The following MLXIPL variants were observed in gnomAD, a reference collection of about 807,000 sequenced individuals.
The protein encoded by MLXIPL is MLX interacting protein like.
Under a neutral mutation model 81.5 loss-of-function variants are expected in MLXIPL, and 49 were observed. The ratio of observed to expected loss-of-function variants is 0.60; its 90% CI spans 0.48 to 0.76. The LOEUF is 0.76. Among genes scored for constraint, MLXIPL ranks in the 30% least tolerant of loss-of-function variants. The pLI is 0.00. For synonymous variants in MLXIPL, 466 were observed against 485.5 expected (o/e 0.96, Z 0.53); for missense variants, 1,053 against 1,167.0 (o/e 0.90, Z 1.42).
intron 8 of MLXIPL, 113 bp downstream of exon 8, chr7:73,599,413 T>C: frequency 7.4e-7 from 1 of 1,356,408 alleles, no homozygotes; most frequent in Non-Finnish European, 1.0e-6. Context: ...CCCTCCAATC[T>C]CCAAGCAGAA....
intron 1 of MLXIPL, among the ~76,000 whole-genome samples, chr7:73,617,801 C>T (rs542274872): frequency 2.6e-5 from 4 of 151,768 alleles, no homozygotes; most frequent in Non-Finnish European, 5.9e-5. Context: ...GCTATGATCA[C>T]GCCACTGCAC....
At chr7:73,624,636 AT>A, upstream of MLXIPL, 1 of 1,364,436 alleles carries the variant, frequency 7.3e-7, no homozygotes, top group South Asian at 1.7e-5. Context: ...CGGGGCTTGT[AT>A]TAGCATAATC....
At chr7:73,607,733 G>T in intron 2 of MLXIPL, 61 bp from the exon 3 acceptor site, 3 of 1,462,406 alleles carry the variant, frequency 2.1e-6, no homozygotes, top group Non-Finnish European at 2.9e-6. Flanking sequence ...TCACCCCAGG[G>T]GACTGGGACT....
At chr7:73,619,506 C>G (rs1051675051) in intron 1 of MLXIPL, among the ~76,000 whole-genome samples, 6 of 149,516 alleles carry the variant, frequency 4.0e-5, no homozygotes, top group Admixed American at 6.7e-5. Flanking sequence ...GTGCAAACCT[C>G]TAGTCTCAGC....
At chr7:73,598,472 C>G (rs1563481125) in intron 8 of MLXIPL, among the ~76,000 whole-genome samples, 1 of 152,134 alleles carries the variant, frequency 6.6e-6, no homozygotes, top group Non-Finnish European at 1.5e-5. Flanking sequence ...CATCCACCAG[C>G]CCACCCATCC....
chr7:73,606,782 C>T (rs1284778223), intron 5 of MLXIPL, 192 bp downstream of exon 5: 6 of 656,964 alleles, frequency 9.1e-6, no homozygotes, highest in African/African-American at 9.0e-5. Flanking sequence ...GGGGTCTTCT[C>T]ACCACCTCAC....
At chr7:73,606,931 G>C (rs375888377) in intron 5 of MLXIPL, 43 bp downstream of exon 5, 1 of 1,606,876 alleles carries the variant, frequency 6.2e-7, no homozygotes, top group South Asian at 1.1e-5. Context: ...CTACTTGGGG[G>C]GCAAAGGGAT....
At chr7:73,605,886 C>G (rs1314778425) in intron 6 of MLXIPL, 24 bp downstream of exon 6, 3 of 1,570,210 alleles carry the variant, frequency 1.9e-6, no homozygotes, top group Non-Finnish European at 2.6e-6. Context: ...CACCCCTCTC[C>G]CCTGCCCTTT....
At chr7:73,604,212 T>C (rs1387741058) in intron 7 of MLXIPL, among the ~76,000 whole-genome samples, 1 of 63,210 alleles carries the variant, frequency 1.6e-5, no homozygotes, top group Non-Finnish European at 2.6e-5. Context: ...TGAGACTCCG[T>C]CTCAAAAAAA....
intron 7 of MLXIPL, among the ~76,000 whole-genome samples, chr7:73,602,549 G>A (rs975378117): frequency 3.3e-5 from 5 of 151,988 alleles, no homozygotes; most frequent in Admixed American, 6.6e-5. Context: ...GCGTGGTGGC[G>A]GGCGCCTGTA....
chr7:73,624,361 C>T lies in MLXIPL; in HGVS notation c.132G>A (p.Ser44=), dbSNP rs782246348. ...LRRSAGGLLR[S]QVIHSGHFMV... ...TGAAGTGACCGCTGTGGATGACCTG[C>T]GAGCGGAGCAAGCCGCCCGCGCTGC... Residue 44 remains serine (S), a synonymous_variant, in exon 1 of 17, where the codon TCG becomes TCA. Transcript: ENST00000313375. 4 of 1,581,614 alleles carry T rather than the reference C, an allele frequency of 2.5e-6. No individual in the cohort carries two copies. Among genetic ancestry groups the T allele is most frequent in the Non-Finnish European group, 3.4e-6 (4 of 1,167,918 alleles).
At chr7:73,616,201 G>C (rs1554600745) in intron 1 of MLXIPL, 24 bp from the exon 2 acceptor site, 2 of 1,576,242 alleles carry the variant, frequency 1.3e-6, no homozygotes, top group Non-Finnish European at 1.7e-6. Context: ...GAGGAGTAGG[G>C]TTAGGGAGAT....
intron 16 of MLXIPL, 46 bp downstream of exon 16, chr7:73,594,228 C>T (rs1554592841): frequency 1.2e-6 from 2 of 1,608,444 alleles, no homozygotes; most frequent in Non-Finnish European, 1.7e-6. Context: ...CTCCCTCCAC[C>T]CCCGAGGCTG....
intron 7 of MLXIPL, among the ~76,000 whole-genome samples, chr7:73,600,407 AGT>A (rs1554595794): frequency 2.9e-5 from 1 of 34,040 alleles, no homozygotes; most frequent in Non-Finnish European, 5.3e-5. Context: ...CTGGGCTCCA[AGT>A]GGGGTGTGGG....
At chr7:73,644,049 C>T in the MLXIPL span, among the ~76,000 whole-genome samples, 1 of 152,030 alleles carries the variant, frequency 6.6e-6, no homozygotes, top group South Asian at 2.1e-4. Context: ...GGACTATAAG[C>T]TTGTGCCACC....
chr7:73,626,905 C>A (rs1489441994), upstream of MLXIPL, among the ~76,000 whole-genome samples: 13 of 152,166 alleles, frequency 8.5e-5, no homozygotes, highest in African/African-American at 3.1e-4. Flanking sequence ...GCAGCACTTT[C>A]TTCCAGCCCA....
intron 1 of MLXIPL, among the ~76,000 whole-genome samples, chr7:73,619,877 C>A (rs1319844800): frequency 1.3e-5 from 2 of 151,728 alleles, no homozygotes; most frequent in African/African-American, 4.8e-5. Flanking sequence ...TTGCAGTGAG[C>A]CAAGATCGCG....
chr7:73,619,506 C>T (rs1051675051), intron 1 of MLXIPL, among the ~76,000 whole-genome samples: 3 of 149,516 alleles, frequency 2.0e-5, no homozygotes, highest in Non-Finnish European at 4.4e-5. Context: ...GTGCAAACCT[C>T]TAGTCTCAGC....
chr7:73,643,471 G>A, the MLXIPL span, among the ~76,000 whole-genome samples: 5 of 148,862 alleles, frequency 3.4e-5, no homozygotes, highest in African/African-American at 7.5e-5. Flanking sequence ...CCGAGATTGC[G>A]CCACTGCACT....
Sources: gnomAD v4.1 joint callset for allele counts (sites outside exome capture counted in the v4.1 genomes callset) on GRCh38, gnomAD v4.1.1 for gene constraint, MANE v1.5 for transcripts, NCBI Gene and HGNC (gene_info 2026-07-23, HGNC 2026-07-21) for gene names.